Variants in FDX1 observed in about 807,000 individuals in gnomAD.
FDX1 encodes ferredoxin 1.
FDX1 carries 9 observed loss-of-function variants against 14.9 expected under a neutral mutation model. That is an observed-to-expected ratio of 0.60 (90% confidence interval 0.36 to 1.05). The LOEUF (loss-of-function observed/expected upper bound fraction) is 1.05. Ranked by LOEUF, FDX1 falls within the 50% of genes least tolerant of loss-of-function variation. FDX1 has a pLI of 0.01. For missense variants in FDX1, 204 were observed against 237.2 expected (o/e 0.86, Z 0.92); for synonymous variants, 92 against 99.4 (o/e 0.93, Z 0.44).
intron 2 of FDX1, among the ~76,000 whole-genome samples, chr11:110,449,324 C>CTAA (rs1946471709): frequency 1.3e-5 from 2 of 152,146 alleles, no homozygotes; most frequent in Admixed American, 6.5e-5. Flanking sequence ...GCACCAGGGG[C>CTAA]TAATATCAGT....
At position 110,434,725 on chromosome 11, in the gene FDX1, GTTTTTTTTT is replaced by G. The variant is rs56907322; in HGVS notation, c.186-1094_186-1086del. Among the ~76,000 whole-genome samples the G allele has an allele frequency of 2.9e-3, 304 of 105,750 alleles. 2 individuals carry two copies. The highest frequency in any genetic ancestry group is 9.1e-3 in the African/African-American group (267 of 29,320). The allele number at this position is 105,750 out of a possible 152,430, so 69.4% of individuals were successfully genotyped here. On this transcript the variant is annotated intron_variant, in intron 1 of 3. Coordinates refer to ENST00000260270, the MANE Select transcript of FDX1 (RefSeq NM_004109.5). ...AGAGAGCTGTGTGATGACTTTTTTT[GTTTTTTTTT>G]TTTTTTTTTTTTTTGAGACAGGGCC... is the stretch of plus-strand genomic sequence containing the variant.
At chr11:110,444,685 C>CACTTATATATATATATAT (rs1946431031) in intron 2 of FDX1, among the ~76,000 whole-genome samples, 1 of 36,736 alleles carries the variant, frequency 2.7e-5, no homozygotes, top group Non-Finnish European at 4.4e-5. Context: ...TATATATATA[C>CACTTATATATATATATAT]ACGTATATAT....
intron 2 of FDX1, among the ~76,000 whole-genome samples, chr11:110,439,198 C>T (rs1946389851): frequency 6.6e-6 from 1 of 151,964 alleles, no homozygotes; most frequent in Non-Finnish European, 1.5e-5. Flanking sequence ...AGCCACCATG[C>T]CTGCTCTGCC....
chr11:110,440,987 GTCTT>G (rs1480646064), intron 2 of FDX1, among the ~76,000 whole-genome samples: 2 of 152,136 alleles, frequency 1.3e-5, no homozygotes, highest in African/African-American at 4.8e-5. Context: ...CTGGGGGCAG[GTCTT>G]TCTTATGCTG....
intron 2 of FDX1, among the ~76,000 whole-genome samples, chr11:110,446,113 A>T (rs1192743957): frequency 6.6e-6 from 1 of 152,238 alleles, no homozygotes; most frequent in Non-Finnish European, 1.5e-5. Flanking sequence ...TTTAAAGATA[A>T]GCTTGAGATA....
intron 2 of FDX1, among the ~76,000 whole-genome samples, chr11:110,452,976 TAGGCTG>T (rs1297633717): frequency 1.6e-4 from 24 of 152,330 alleles, no homozygotes; most frequent in Admixed American, 7.8e-4. Flanking sequence ...TTAAAAGTTT[TAGGCTG>T]AGGAAGCTGC....
chr11:110,447,517 G>A lies in FDX1; in HGVS notation c.311-9401G>A, dbSNP rs79505425. Reference sequence around the variant, plus strand: ...TAGGATAAAATCTGTATTCCCAGCCGTAAAAGGCTCTGCATTATCTGGCCC... The same window carrying A: ...TAGGATAAAATCTGTATTCCCAGCCATAAAAGGCTCTGCATTATCTGGCCC... On this transcript the variant is annotated intron_variant, in intron 2 of 3. Coordinates refer to ENST00000260270, the MANE Select transcript of FDX1 (RefSeq NM_004109.5). Among the ~76,000 whole-genome samples, 894 of 152,174 alleles carry A rather than the reference G, an allele frequency of 5.9e-3. 6 individuals are homozygous for A. The highest frequency in any genetic ancestry group is 0.02 in the African/African-American group (817 of 41,524).
chr11:110,444,656 A>G (rs1435688964), intron 2 of FDX1, among the ~76,000 whole-genome samples: 873 of 83,876 alleles, frequency 0.01, 57 homozygotes, highest in African/African-American at 0.045. Context: ...GTGTGTATAT[A>G]TATATATACG....
At chr11:110,431,844 C>A (rs1343703600) in intron 1 of FDX1, among the ~76,000 whole-genome samples, 1 of 152,168 alleles carries the variant, frequency 6.6e-6, no homozygotes, top group Admixed American at 6.5e-5. Flanking sequence ...TATTCATGGT[C>A]TTATCATTCC....
At chr11:110,443,423 G>T (rs2724439) in intron 2 of FDX1, among the ~76,000 whole-genome samples, 146,414 of 146,414 alleles carry the variant, frequency 1, 73,207 homozygotes, top group Non-Finnish European at 1. Flanking sequence ...TGTGGTTTTT[G>T]GACTTAATAA....
intron 2 of FDX1, among the ~76,000 whole-genome samples, chr11:110,452,803 C>T (rs891535176): frequency 1.3e-5 from 2 of 152,158 alleles, no homozygotes; most frequent in African/African-American, 4.8e-5. Flanking sequence ...ATCTCAAAGG[C>T]ATTGTGTTGA....
intron 2 of FDX1, among the ~76,000 whole-genome samples, chr11:110,455,786 C>A (rs1375392614): frequency 6.6e-6 from 1 of 152,178 alleles, no homozygotes; most frequent in Non-Finnish European, 1.5e-5. Flanking sequence ...AAAAGCTATC[C>A]TTTAGAAGGA....
At chr11:110,444,747 C>CATATATAT in intron 2 of FDX1, among the ~76,000 whole-genome samples, 1 of 34,868 alleles carries the variant, frequency 2.9e-5, no homozygotes, top group Non-Finnish European at 4.7e-5. Flanking sequence ...TATATATACA[C>CATATATAT]GTATATATAT....
Position 110,441,050 on chromosome 11 carries a change from G to C in FDX1, c.310+5092G>C, listed in dbSNP as rs145425805. ...CACAAGATCTGACAATTTTATAAGAGGGAGTTTCCCTGCACAAGCTCTCTG... is the reference window on the plus strand; with the variant it reads ...CACAAGATCTGACAATTTTATAAGACGGAGTTTCCCTGCACAAGCTCTCTG... On this transcript the variant is annotated intron_variant, in intron 2 of 3. Coordinates refer to ENST00000260270, the MANE Select transcript of FDX1 (RefSeq NM_004109.5). 3.8e-3 allele frequency among the ~76,000 whole-genome samples: 579 copies of C among 152,304 alleles called. 1 individual carries two copies. Among genetic ancestry groups the C allele is most frequent in the Middle Eastern group, 6.8e-3 (2 of 292 alleles).
At chr11:110,442,464 C>A (rs778161182) in intron 2 of FDX1, among the ~76,000 whole-genome samples, 1 of 152,188 alleles carries the variant, frequency 6.6e-6, no homozygotes, top group Non-Finnish European at 1.5e-5. Context: ...ATCAGTGTGA[C>A]CTGGATGTGA....
At chr11:110,458,835 G>T (rs1022919103) in intron 3 of FDX1, among the ~76,000 whole-genome samples, 1 of 152,110 alleles carries the variant, frequency 6.6e-6, no homozygotes, top group African/African-American at 2.4e-5. Flanking sequence ...TCGAACTCCT[G>T]ACCTCATGAT....
At chr11:110,430,698 C>T (rs1946324814) in intron 1 of FDX1, among the ~76,000 whole-genome samples, 1 of 152,226 alleles carries the variant, frequency 6.6e-6, no homozygotes, top group Non-Finnish European at 1.5e-5. Flanking sequence ...TCGCGACAGG[C>T]TTCCCTCCTG....
intron 3 of FDX1, among the ~76,000 whole-genome samples, chr11:110,460,951 G>A (rs1335366525): frequency 6.6e-6 from 1 of 152,164 alleles, no homozygotes; most frequent in Non-Finnish European, 1.5e-5. Context: ...TTGACATTTA[G>A]TGTTGTGCCT....
At chr11:110,444,834 G>T (rs1437728682) in intron 2 of FDX1, among the ~76,000 whole-genome samples, 1 of 148,310 alleles carries the variant, frequency 6.7e-6, no homozygotes, top group African/African-American at 2.5e-5. Context: ...TGCTCCACAA[G>T]GAGTCCTACT....
Sources: allele counts gnomAD v4.1 joint callset (sites outside exome capture counted in the v4.1 genomes callset), GRCh38; gene constraint gnomAD v4.1.1; transcripts MANE v1.5; gene names NCBI Gene and HGNC (gene_info 2026-07-23, HGNC 2026-07-21).